Variants in ZFP28 observed in about 807,000 individuals in gnomAD.
The protein encoded by ZFP28 is ZFP28 zinc finger protein.
Under a neutral mutation model 39.5 loss-of-function variants are expected in ZFP28, and 31 were observed. That is an observed-to-expected ratio of 0.79 (90% CI 0.59 to 1.06). The LOEUF (loss-of-function observed/expected upper bound fraction) is 1.06. Among genes scored for constraint, ZFP28 ranks in the 50% least tolerant of loss-of-function variants. The pLI is 0.00. For synonymous variants in ZFP28, 400 were observed against 378.6 expected, an observed-to-expected ratio of 1.06 and a Z score of -0.66; for missense variants, 925 against 1,048.4, an observed-to-expected ratio of 0.88 and a Z score of 1.63.
chr19:56,550,147 G>GA lies in ZFP28; in HGVS notation c.769dup (p.Ile257AsnfsTer7). 6.2e-7 allele frequency: 1 copy of GA among 1,612,826 alleles called. No individual in the cohort carries two copies. Among genetic ancestry groups the GA allele is most frequent in the Non-Finnish European group, 8.5e-7 (1 of 1,179,600 alleles). The stretch of plus-strand genomic sequence containing the variant: ...CTCAGAAGAATTTCTGTAAGAATGG[G>GA]ATATGGGAGAACAACAGTGACCTGG... On this transcript the variant is annotated frameshift_variant, in exon 6 of 8. Coordinates refer to ENST00000301318, the MANE Select transcript of ZFP28 (RefSeq NM_020828.2). LOFTEE classifies it high-confidence loss of function.
Position 56,547,801 on chromosome 19 carries a change from G to C in ZFP28, c.428-6G>C. 1 of 1,614,088 alleles carries C rather than the reference G, an allele frequency of 6.2e-7. No individual in the cohort carries two copies. The highest frequency in any genetic ancestry group is 1.7e-5 in the Admixed American group (1 of 60,006). On this transcript the variant is annotated splice_polypyrimidine_tract_variant and splice_region_variant and intron_variant, in intron 3 of 7. Transcript: ENST00000301318. This position sits in a 1 kb window ranked among gnomAD's most constrained non-coding sequence, Gnocchi z 4.6. ...AGTATGACCAGGTTGTTTTTTATGT[G>C]TCTAGGACTTTGTGTTTCTAAGCCC...
At chr19:56,538,117 A>C (rs955894483), upstream of ZFP28, 1 of 152,280 alleles carries the variant, frequency 6.6e-6, no homozygotes, top group African/African-American at 2.4e-5. Context: ...GTGCAAATAC[A>C]TAGGTTACAA....
intron 2 of ZFP28, among the ~76,000 whole-genome samples, chr19:56,540,489 A>G (rs756383787): frequency 2.0e-5 from 3 of 152,222 alleles, no homozygotes; most frequent in Admixed American, 6.5e-5. Context: ...CTCAAAAAAT[A>G]TATGTACAGA....
rs1019841812 is a variant in ZFP28 at position 56,547,436 on chromosome 19, T to C, written c.301-72T>C. On this transcript the variant is annotated intron_variant, in intron 2 of 7. Transcript: ENST00000301318. This position sits in a 1 kb window ranked among gnomAD's most constrained non-coding sequence, Gnocchi z 4.6. The stretch of plus-strand genomic sequence containing the variant: ...GAGTTTTGTCAGGGGACACATTTCT[T>C]TCTATAACAAACCCCCAGTCATGTG... 6 of 1,607,686 alleles carry C rather than the reference T, an allele frequency of 3.7e-6. No individual in the cohort carries two copies. The highest frequency in any genetic ancestry group is 5.1e-6 in the Non-Finnish European group (6 of 1,176,414).
chr19:56,548,053 C>T, intron 4 of ZFP28, 151 bp downstream of exon 4: 1 of 649,090 alleles, frequency 1.5e-6, no homozygotes, highest in East Asian at 2.8e-5. Flanking sequence ...ATTTCAACTA[C>T]AGTATTATTT....
Position 56,555,874 on chromosome 19 carries a change from T to A in ZFP28, c.*482T>A, listed in dbSNP as rs1294076873. 6.5e-6 allele frequency: 1 copy of A among 153,644 alleles called. No homozygotes were observed. The highest frequency in any genetic ancestry group is 1.4e-5 in the Non-Finnish European group (1 of 69,162). The allele number at this position is 153,644 out of a possible 1,614,324, so 9.5% of individuals were successfully genotyped here. A position where few individuals can be genotyped will look rare whatever the true frequency, so the allele number is the denominator to read the frequency against. On this transcript the variant is annotated 3_prime_UTR_variant, in exon 8 of 8. Transcript: ENST00000301318. ...AGAAAATTAAACTTTACATTTGACT[T>A]GATTTGTTTTAGAAAGTCTAGGGAC... is the stretch of plus-strand genomic sequence containing the variant.
At position 56,541,667 on chromosome 19, in the gene ZFP28, T is replaced by G. The variant is rs1447706660; in HGVS notation, c.300+1951T>G. Among the ~76,000 whole-genome samples, 6 of 152,226 alleles carry G rather than the reference T, an allele frequency of 3.9e-5. No homozygotes were observed. The East Asian group carries it at 9.7e-4, about 24-fold the overall frequency. ...CGCCTTCTCATTTTCCTGCTCACCC[T>G]GTCTAGAATTTCAGAGCCTCCTACC... On this transcript the variant is annotated intron_variant, in intron 2 of 7. Transcript: ENST00000301318.
Position 56,554,928 on chromosome 19 carries a change from T to G in ZFP28, c.2143T>G (p.Ser715Ala), listed in dbSNP as rs775016283. Residue 715 changes from serine to alanine, a missense_variant, in exon 8 of 8, where the codon TCC (serine) becomes GCC (alanine). Physicochemically the swap from Ser to Ala is moderately conservative, Grantham distance 99 (BLOSUM62 1). Around this residue, in one of 2 missense-constraint regions of ZFP28, gnomAD observed 369 missense variants for 505.5 expected, o/e 0.73. Coordinates refer to ENST00000301318, the MANE Select transcript of ZFP28 (RefSeq NM_020828.2). The surrounding 1 kb of genome is among the most constrained non-coding windows in gnomAD (Gnocchi z 6.7). ...TGGGAAGGCCTTTGGTGATAACTCA[T>G]CCTGTACTCAACATCAAAGACTGCA... ...ECGKAFGDNS[S>A]CTQHQRLHTG... The G allele has an allele frequency of 6.2e-7, 1 of 1,614,144 alleles. No homozygotes were observed. Among genetic ancestry groups the G allele is most frequent in the Admixed American group, 1.7e-5 (1 of 60,018 alleles).
Position 56,556,466 on chromosome 19 carries a change from T to C in ZFP28, c.*1074T>C, listed in dbSNP as rs2044351925. Reference sequence around the variant, plus strand: ...ACTAAAGCCCATGGACCAAATCCTATCTGCTGCTTGTTTTTGTAAATAGAG... The same window carrying C: ...ACTAAAGCCCATGGACCAAATCCTACCTGCTGCTTGTTTTTGTAAATAGAG... On this transcript the variant is annotated 3_prime_UTR_variant, in exon 8 of 8. Coordinates refer to ENST00000301318, the MANE Select transcript of ZFP28 (RefSeq NM_020828.2). 1 of 152,194 alleles carries C rather than the reference T, an allele frequency of 6.6e-6. No homozygotes were observed. The allele number at this position is 152,194 out of a possible 1,614,324, so 9.4% of individuals were successfully genotyped here.
At chr19:56,548,690 A>G (rs78192313) in intron 4 of ZFP28, among the ~76,000 whole-genome samples, 3,447 of 152,320 alleles carry the variant, frequency 0.023, 113 homozygotes, top group African/African-American at 0.077. Flanking sequence ...TGCTAAAAAC[A>G]TAATGTGAAC....
At position 56,539,239 on chromosome 19, in the gene ZFP28, G is replaced by A; in HGVS notation, c.208+13G>A. ...CCTGGGCACAGAGGTGAGAGTGACA[G>A]GTGTTTGGGGCCGAGCGGACAGGGA... On this transcript the variant is annotated intron_variant, in intron 1 of 7. Coordinates refer to ENST00000301318, the MANE Select transcript of ZFP28 (RefSeq NM_020828.2). The A allele has an allele frequency of 6.3e-7, 1 of 1,587,140 alleles. No homozygotes were observed. Among genetic ancestry groups the A allele is most frequent in the East Asian group, 2.3e-5 (1 of 44,080 alleles).
chr19:56,550,537 T>G lies in ZFP28; in HGVS notation c.830T>G (p.Val277Gly). Reference protein sequence around the residue: ...AGHCVAKPDLVSLLEQEKEPW... With the variant: ...AGHCVAKPDLGSLLEQEKEPW... ...CATTGTGTGGCTAAGCCAGATTTAGTCTCTTTACTAGAGCAAGAGAAGGAG... is the reference window on the plus strand; with the variant it reads ...CATTGTGTGGCTAAGCCAGATTTAGGCTCTTTACTAGAGCAAGAGAAGGAG... The change falls in exon 7 of 8, where the codon GTC becomes GGC. Residue 277 changes from valine to glycine, a missense_variant. Transcript: ENST00000301318. 1.9e-6 allele frequency: 3 copies of G among 1,614,104 alleles called. No homozygotes were observed. Among genetic ancestry groups the G allele is most frequent in the South Asian group, 1.1e-5 (1 of 91,072 alleles).
chr19:56,550,015 G>A, intron 5 of ZFP28, 52 bp from the exon 6 acceptor site: 1 of 1,471,836 alleles, frequency 6.8e-7, no homozygotes, highest in Non-Finnish European at 9.3e-7. Context: ...ACTGAGACCA[G>A]GTGAGTTCAC....
intron 7 of ZFP28, among the ~76,000 whole-genome samples, chr19:56,553,272 G>A (rs1449518442): frequency 6.6e-6 from 1 of 151,808 alleles, no homozygotes; most frequent in Non-Finnish European, 1.5e-5. Flanking sequence ...CCAGGCTGGA[G>A]TGCAGTGGCT....
intron 7 of ZFP28, 139 bp downstream of exon 7, chr19:56,550,744 G>C: frequency 6.5e-7 from 1 of 1,546,268 alleles, no homozygotes; most frequent in South Asian, 1.2e-5. Context: ...TTGAACTCTG[G>C]GAGTTCCAAA....
chr19:56,539,518 A>G, intron 1 of ZFP28, 107 bp from the exon 2 acceptor site: 2 of 948,464 alleles, frequency 2.1e-6, no homozygotes, highest in African/African-American at 1.6e-5. Context: ...GTCCCTAGGC[A>G]GGGTAATGAT....
rs1195543295 is a variant in ZFP28 at position 56,550,067 on chromosome 19, G to A, written c.688G>A (p.Gly230Ser). 6.2e-7 allele frequency: 1 copy of A among 1,608,998 alleles called. No homozygotes were observed. Among genetic ancestry groups the A allele is most frequent in the Non-Finnish European group, 8.5e-7 (1 of 1,177,848 alleles). The change falls in exon 6 of 8, where the codon GGC becomes AGC. Residue 230 changes from glycine (G) to serine (S), a missense_variant and splice_region_variant. This residue lies in a region of ZFP28 where 556 missense variants were observed against 542.9 expected (regional missense o/e 1.02). Coordinates refer to ENST00000301318, the MANE Select transcript of ZFP28 (RefSeq NM_020828.2). ...AAAAAACGTGCTTTTACCATTGCAG[G>A]GCTTGGTGACTATCAAAAACCTGGC... is the stretch of plus-strand genomic sequence containing the variant. ...DYDALFETQP[G>S]LVTIKNLAVD...
Position 56,543,347 on chromosome 19 carries a change from T to C in ZFP28, c.300+3631T>C, listed in dbSNP as rs1284673509. On this transcript the variant is annotated intron_variant, in intron 2 of 7. Coordinates refer to ENST00000301318, the MANE Select transcript of ZFP28 (RefSeq NM_020828.2). ...TATATTATATAGAATATATTATATA[T>C]GTATATTTTATATATATATTAATAT... Among the ~76,000 whole-genome samples the C allele has an allele frequency of 2.0e-5, 3 of 146,484 alleles. No individual in the cohort carries two copies. The East Asian group carries it at 5.9e-4, about 29-fold the overall frequency.
chr19:56,551,983 T>A, intron 7 of ZFP28: 1 of 966,424 alleles, frequency 1.0e-6, no homozygotes, highest in Non-Finnish European at 1.2e-6. Flanking sequence ...AAATTTTCAA[T>A]TTTTATATAG....
Sources: allele counts gnomAD v4.1 joint callset (sites outside exome capture counted in the v4.1 genomes callset), GRCh38; gene constraint gnomAD v4.1.1; regional missense constraint gnomAD v4.1.1; non-coding constraint Gnocchi (gnomAD v3.1); transcripts MANE v1.5; gene names NCBI Gene and HGNC (gene_info 2026-07-23, HGNC 2026-07-21).